ZNF44: variants seen among roughly 807,000 people sequenced by gnomAD.
ZNF44 encodes gonadotropin inducible transcription repressor-2.
In ZNF44, 9 loss-of-function variants were observed where a neutral mutation model predicts 11.7. The observed-to-expected ratio is 0.77, with a 90% CI of 0.46 to 1.35. The LOEUF (loss-of-function observed/expected upper bound fraction) is 1.35. Ranked by LOEUF, ZNF44 falls within the 40% of genes most tolerant of loss-of-function variation. The pLI is 0.00. For missense variants in ZNF44, 696 were observed against 743.1 expected (o/e 0.94, Z 0.74); for synonymous variants, 224 against 242.7 (o/e 0.92, Z 0.72).
chr19:12,290,608 G>A (rs1016986642), intron 1 of ZNF44, among the ~76,000 whole-genome samples: 7 of 151,804 alleles, frequency 4.6e-5, no homozygotes, highest in African/African-American at 1.5e-4. Context: ...GCTGAGGCAG[G>A]AGAATCGCTT....
intron 5 of ZNF44, among the ~76,000 whole-genome samples, chr19:12,264,733 T>C (rs1351200694): frequency 1.3e-5 from 2 of 152,192 alleles, no homozygotes; most frequent in Admixed American, 1.3e-4. Context: ...TCTCACTCTG[T>C]CACCCAGGTT....
chr19:12,251,386 C>T (rs1916988940), intron 5 of ZNF44, among the ~76,000 whole-genome samples: 1 of 151,522 alleles, frequency 6.6e-6, no homozygotes, highest in South Asian at 2.1e-4. Flanking sequence ...CCCAGCTACT[C>T]AGGGGGCTGA....
At chr19:12,255,025 G>A (rs983714327) in intron 5 of ZNF44, among the ~76,000 whole-genome samples, 1 of 151,854 alleles carries the variant, frequency 6.6e-6, no homozygotes, top group African/African-American at 2.4e-5. Flanking sequence ...GGAGGCAGAG[G>A]TTGTGGTGAA....
chr19:12,275,297 T>C (rs1967168167), intron 2 of ZNF44, among the ~76,000 whole-genome samples: 1 of 152,200 alleles, frequency 6.6e-6, no homozygotes, highest in African/African-American at 2.4e-5. Context: ...TGATGATCCA[T>C]TTCAACTTAA....
chr19:12,282,571 G>A (rs553134724), intron 1 of ZNF44, among the ~76,000 whole-genome samples: 3 of 152,064 alleles, frequency 2.0e-5, no homozygotes, highest in South Asian at 2.1e-4. Flanking sequence ...ATAGGTGTCC[G>A]CTACCATGCC....
upstream of ZNF44, among the ~76,000 whole-genome samples, chr19:12,239,278 T>C (rs370668197): frequency 1.8e-3 from 275 of 151,854 alleles, 1 homozygote; most frequent in African/African-American, 6.2e-3. Flanking sequence ...CATGCCCAGC[T>C]AATTTTTGTA....
At chr19:12,279,921 TTGTGTGTGTGTG>T (rs60414721) in intron 1 of ZNF44, among the ~76,000 whole-genome samples, 2 of 144,064 alleles carry the variant, frequency 1.4e-5, no homozygotes, top group East Asian at 2.0e-4. Flanking sequence ...GAAATTCAGA[TTGTGTGTGTGTG>T]TGTGTGTGTG....
intron 5 of ZNF44, among the ~76,000 whole-genome samples, chr19:12,264,802 C>T (rs1045692924): frequency 6.6e-6 from 1 of 152,078 alleles, no homozygotes; most frequent in Non-Finnish European, 1.5e-5. Flanking sequence ...CTCAAGCGAT[C>T]CTCCCACCTC....
At chr19:12,236,743 T>C (rs1568421058) in intron 1 of ZNF44, among the ~76,000 whole-genome samples, 1 of 152,322 alleles carries the variant, frequency 6.6e-6, no homozygotes, top group East Asian at 1.9e-4. Context: ...CTTTATCTTA[T>C]AAGGTCACTG....
downstream of ZNF44, among the ~76,000 whole-genome samples, chr19:12,246,679 A>G (rs150377863): frequency 2.0e-5 from 3 of 152,288 alleles, no homozygotes; most frequent in African/African-American, 7.2e-5. Flanking sequence ...TCTCACCTCA[A>G]TGTTCATTTA....
upstream of ZNF44, among the ~76,000 whole-genome samples, chr19:12,242,259 G>A (rs1169775487): frequency 2.0e-5 from 3 of 152,136 alleles, no homozygotes. Context: ...TGTAATCCCA[G>A]CACTTTGGGA....
chr19:12,289,737 C>T (rs1967924139), intron 1 of ZNF44, among the ~76,000 whole-genome samples: 1 of 151,048 alleles, frequency 6.6e-6, no homozygotes, highest in Non-Finnish European at 1.5e-5. Context: ...CTCCGCCTCC[C>T]CAGTTCACAC....
chr19:12,294,727 A>C lies in ZNF44; in HGVS notation c.-33T>G, dbSNP rs770804938. 6.4e-7 allele frequency: 1 copy of C among 1,554,142 alleles called. No individual in the cohort carries two copies. The highest frequency in any genetic ancestry group is 8.7e-7 in the Non-Finnish European group (1 of 1,149,834). On this transcript the variant is annotated 5_prime_UTR_variant, in exon 1 of 4. Transcript: ENST00000355684. The stretch of plus-strand genomic sequence containing the variant: ...CTGTGCGGTGTCCCGGGTCCTCCCA[A>C]CTCCCGTAGTCAGGGTAGGTCCCAG...
At chr19:12,285,101 T>A (rs1308155236) in intron 1 of ZNF44, 10 of 649,120 alleles carry the variant, frequency 1.5e-5, no homozygotes, top group Non-Finnish European at 2.5e-5. Context: ...AGTCTCCCTA[T>A]CAGGAATTCA....
chr19:12,262,902 T>C (rs1917571198), intron 5 of ZNF44, among the ~76,000 whole-genome samples: 1 of 152,098 alleles, frequency 6.6e-6, no homozygotes, highest in African/African-American at 2.4e-5. Flanking sequence ...AACACAAATA[T>C]TCTAATCAGC....
chr19:12,294,204 A>G (rs561183124), intron 1 of ZNF44, among the ~76,000 whole-genome samples: 123 of 152,296 alleles, frequency 8.1e-4, no homozygotes, highest in African/African-American at 2.9e-3. Context: ...CTTCACCTCC[A>G]GTCCCAAGAT....
At chr19:12,243,327 C>A (rs575847713), downstream of ZNF44, among the ~76,000 whole-genome samples, 18 of 152,290 alleles carry the variant, frequency 1.2e-4, no homozygotes, top group African/African-American at 4.3e-4. Flanking sequence ...TAACCTTTGA[C>A]CAACATTTCT....
intron 5 of ZNF44, chr19:12,266,250 C>T (rs1917723049): frequency 2.0e-6 from 2 of 985,340 alleles, no homozygotes; most frequent in Non-Finnish European, 2.4e-6. Context: ...TCCCGCGTGT[C>T]GGGACCCCAG....
At chr19:12,247,733 TGAG>T (rs752651642) in exon 8 of ZNF44, 58 of 1,335,388 alleles carry the variant, frequency 4.3e-5, no homozygotes, top group Non-Finnish European at 5.3e-5. Context: ...GTCTTTGAGC[TGAG>T]TAGTAGTATC....
Sources: gnomAD v4.1 joint callset for allele counts (sites outside exome capture counted in the v4.1 genomes callset) on GRCh38, gnomAD v4.1.1 for gene constraint, MANE v1.5 for transcripts, NCBI Gene and HGNC (gene_info 2026-07-23, HGNC 2026-07-21) for gene names.